The following LRGUK variants were observed in gnomAD, a reference collection of about 807,000 sequenced individuals.
LRGUK encodes leucine-rich repeat and guanylate kinase domain-containing protein.
A neutral mutation model predicts 76.0 loss-of-function variants in LRGUK; 65 were observed. The ratio of observed to expected loss-of-function variants is 0.85; its 90% CI spans 0.70 to 1.05. The LOEUF (loss-of-function observed/expected upper bound fraction) is 1.05. Among genes scored for constraint, LRGUK ranks in the 50% least tolerant of loss-of-function variants. The pLI, the probability that LRGUK is intolerant of heterozygous loss-of-function variation, is 0.00. For missense variants in LRGUK, 758 were observed against 732.8 expected (o/e 1.03, Z -0.40); for synonymous variants, 268 against 265.6 (o/e 1.01, Z -0.09).
In LRGUK at chr7:134,178,649, C is replaced by T. The variant is rs763531144; in HGVS notation, c.1214+40C>T. ...TCCAAAGGCCGGAATTCAGGGTGAG[C>T]AAGCAAAAGACAGCCTCATCACTTC... On this transcript the variant is annotated intron_variant, in intron 10 of 15. Coordinates refer to ENST00000645682, the Ensembl canonical transcript of LRGUK. 10 of 1,519,132 alleles carry T rather than the reference C, an allele frequency of 6.6e-6. No homozygotes were observed. In the East Asian group the frequency reaches 1.8e-4, roughly 27 times the overall value. 94.1% of individuals were successfully genotyped at this position (1,519,132 alleles called of 1,614,324 possible).
intron 6 of LRGUK, among the ~76,000 whole-genome samples, chr7:134,162,872 G>C (rs933732941): frequency 4.8e-5 from 7 of 146,408 alleles, no homozygotes; most frequent in Non-Finnish European, 9.0e-5. Context: ...AACTGCCCAA[G>C]GGCAGGAATA....
rs372391814 is a variant in LRGUK, at chr7:134,258,194, G to A, written c.2199-63G>A. Reference sequence around the variant, plus strand: ...CCCAGTGAAGTCATAGGCATAGATCGTGTGGCCATTAGTAGCGAATAGTTT... The same window carrying A: ...CCCAGTGAAGTCATAGGCATAGATCATGTGGCCATTAGTAGCGAATAGTTT... On this transcript the variant is annotated intron_variant, in intron 18 of 19. Coordinates refer to the LRGUK transcript ENST00000285928. 1,436 of 1,598,788 alleles carry A rather than the reference G, an allele frequency of 9.0e-4. 7 individuals carry two copies. The highest frequency in any genetic ancestry group is 1.7e-3 in the East Asian group (75 of 44,702).
chr7:134,265,294 A>G (rs1802836233), downstream of LRGUK, among the ~76,000 whole-genome samples: 1 of 152,190 alleles, frequency 6.6e-6, no homozygotes, highest in Admixed American at 6.5e-5. Flanking sequence ...GGAGCTGCAC[A>G]TTTCCTGGTT....
At chr7:134,149,477 G>GT (rs1272008047) in intron 5 of LRGUK, among the ~76,000 whole-genome samples, 1 of 152,098 alleles carries the variant, frequency 6.6e-6, no homozygotes, top group Non-Finnish European at 1.5e-5. Flanking sequence ...CAGAGGGTAC[G>GT]TTTTCTTGAA....
At chr7:134,249,185 C>A in intron 18 of LRGUK, 109 bp downstream of exon 18, 1 of 1,216,102 alleles carries the variant, frequency 8.2e-7, no homozygotes, top group Non-Finnish European at 1.1e-6. Flanking sequence ...GGAAGCAGGG[C>A]CCTAACTCCC....
downstream of LRGUK, among the ~76,000 whole-genome samples, chr7:134,213,402 T>C (rs2117135417): frequency 6.6e-6 from 1 of 152,224 alleles, no homozygotes; most frequent in Non-Finnish European, 1.5e-5. Context: ...GGTAAATATT[T>C]AGATTGCATG....
downstream of LRGUK, among the ~76,000 whole-genome samples, chr7:134,265,463 G>C (rs1002632649): frequency 6.6e-6 from 1 of 152,092 alleles, no homozygotes; most frequent in African/African-American, 2.4e-5. Flanking sequence ...GGGTGCTAGA[G>C]AAACTAAAAT....
intron 15 of LRGUK, among the ~76,000 whole-genome samples, chr7:134,206,522 T>C (rs1269234540): frequency 6.6e-6 from 1 of 150,602 alleles, no homozygotes; most frequent in Non-Finnish European, 1.5e-5. Context: ...TCAAAATAAA[T>C]AAATAAATAC....
downstream of LRGUK, among the ~76,000 whole-genome samples, chr7:134,268,717 C>CTTTTTTTTTTTTTTTTTT (rs71531815): frequency 1.7e-5 from 1 of 57,324 alleles, no homozygotes; most frequent in Non-Finnish European, 3.1e-5. Context: ...TGCAAAAAAT[C>CTTTTTTTTTTTTTTTTTT]TTTTTTTTTT....
chr7:134,268,722 T>A (rs1361172267), downstream of LRGUK, among the ~76,000 whole-genome samples: 1 of 86,476 alleles, frequency 1.2e-5, no homozygotes, highest in East Asian at 4.0e-4. Flanking sequence ...AAAATCTTTT[T>A]TTTTTTTTTT....
At position 134,262,991 on chromosome 7, in the gene LRGUK, A is replaced by G. The variant is rs947741741; in HGVS notation, c.2348-854A>G. ...GTCTCAAAAAAAAAAAAAAAAAAAA[A>G]AAGGAGGAGTTTTTTTTCTTTTCTT... On this transcript the variant is annotated intron_variant, in intron 19 of 19. Coordinates refer to the LRGUK transcript ENST00000285928. 3.0e-4 allele frequency among the ~76,000 whole-genome samples: 43 copies of G among 144,374 alleles called. 1 individual carries two copies. Among genetic ancestry groups the G allele is most frequent in the African/African-American group, 1.0e-3 (42 of 40,612 alleles). The allele number at this position is 144,374 out of a possible 152,430, so 94.7% of individuals were successfully genotyped here.
At chr7:134,208,658 CAGTT>C (rs1270412534) in intron 15 of LRGUK, 1 of 398,272 alleles carries the variant, frequency 2.5e-6, no homozygotes, top group Non-Finnish European at 4.4e-6. Flanking sequence ...AATTTCTAAG[CAGTT>C]AGTTAACTTC....
At chr7:134,159,026 G>A (rs1798607978) in intron 6 of LRGUK, among the ~76,000 whole-genome samples, 1 of 152,128 alleles carries the variant, frequency 6.6e-6, no homozygotes, top group Non-Finnish European at 1.5e-5. Flanking sequence ...ACAGGGGGTT[G>A]TTGAAACTGT....
chr7:134,217,849 C>T (rs1410071087), intron 15 of LRGUK, among the ~76,000 whole-genome samples: 1 of 152,048 alleles, frequency 6.6e-6, no homozygotes, highest in African/African-American at 2.4e-5. Context: ...TTTAATTTTA[C>T]AGGTATTTAC....
At chr7:134,239,509 T>G (rs1802088516) in intron 16 of LRGUK, among the ~76,000 whole-genome samples, 1 of 152,164 alleles carries the variant, frequency 6.6e-6, no homozygotes, top group African/African-American at 2.4e-5. Flanking sequence ...GGGAGGGGCA[T>G]CCGCCATTGC....
chr7:134,186,668 T>C (rs986136319), intron 11 of LRGUK, among the ~76,000 whole-genome samples: 16 of 152,214 alleles, frequency 1.1e-4, no homozygotes, highest in Admixed American at 6.5e-5. Flanking sequence ...TCAATACATA[T>C]TTATTGAATT....
chr7:134,207,801 C>G (rs1801069912), intron 15 of LRGUK, among the ~76,000 whole-genome samples: 1 of 152,188 alleles, frequency 6.6e-6, no homozygotes. Context: ...GGTGTGCCAC[C>G]TCTGACTGCT....
At chr7:134,221,717 C>T in intron 15 of LRGUK, 62 bp from the exon 16 acceptor site, 1 of 1,295,892 alleles carries the variant, frequency 7.7e-7, no homozygotes. Context: ...TAAAACATTT[C>T]TATCACTTCA....
At chr7:134,158,219 A>G in intron 6 of LRGUK, 60 bp downstream of exon 6, 1 of 1,431,168 alleles carries the variant, frequency 7.0e-7, no homozygotes, top group Admixed American at 1.8e-5. Context: ...TAGTAACTAC[A>G]TGAATTATGA....
Sources: allele counts gnomAD v4.1 joint callset (sites outside exome capture counted in the v4.1 genomes callset), GRCh38; gene constraint gnomAD v4.1.1; transcripts MANE v1.5; gene names NCBI Gene and HGNC (gene_info 2026-07-23, HGNC 2026-07-21).